The following COL27A1 variants were observed in gnomAD, a reference collection of about 807,000 sequenced individuals.
COL27A1 encodes the protein collagen type XXVII alpha 1 chain, also known as collagen alpha-1(XXVII) chain.
COL27A1 carries 106 observed loss-of-function variants against 251.3 expected under a neutral mutation model. The ratio of observed to expected loss-of-function variants is 0.42; its 90% CI spans 0.36 to 0.50. The LOEUF is 0.50. Among genes scored for constraint, COL27A1 ranks in the 20% least tolerant of loss-of-function variants. The pLI is 0.00. For missense variants in COL27A1, 2,325 were observed against 2,522.8 expected (o/e 0.92, Z 1.68); for synonymous variants, 1,000 against 986.3 (o/e 1.01, Z -0.26).
At chr9:114,222,623 G>A (rs555226366) in intron 14 of COL27A1, among the ~76,000 whole-genome samples, 2 of 152,324 alleles carry the variant, frequency 1.3e-5, no homozygotes, top group Admixed American at 1.3e-4. Context: ...TCTGCAAGGA[G>A]GTGTGGGCAA....
intron 41 of COL27A1, 34 bp downstream of exon 41, chr9:114,284,811 C>T (rs1390318745): frequency 5.0e-6 from 8 of 1,612,322 alleles, no homozygotes; most frequent in Non-Finnish European, 5.1e-6. Flanking sequence ...CAGCTGCACC[C>T]TCGTGTCTGA....
chr9:114,267,434 C>A, intron 33 of COL27A1, 70 bp from the exon 34 acceptor site: 1 of 1,388,442 alleles, frequency 7.2e-7, no homozygotes, highest in South Asian at 1.2e-5. Context: ...CTTGGAGCCT[C>A]AGTTACCCCC....
intron 37 of COL27A1, among the ~76,000 whole-genome samples, chr9:114,277,322 C>T (rs1835570234): frequency 6.6e-6 from 1 of 152,116 alleles, no homozygotes; most frequent in African/African-American, 2.4e-5. Flanking sequence ...TTGAGCCAAC[C>T]AGGTGGTGAG....
Position 114,193,838 on chromosome 9 carries a change from G to A in COL27A1, c.2017-566G>A, listed in dbSNP as rs113610598. ...TCAGAAACCCCTGAGAGCCCCAGGG[G>A]AACAAGCCAGGAGACAGTCCTGGCC... On this transcript the variant is annotated intron_variant, in intron 5 of 60. Coordinates refer to ENST00000356083, the MANE Select transcript of COL27A1 (RefSeq NM_032888.4). Among the ~76,000 whole-genome samples the A allele has an allele frequency of 5.8e-3, 890 of 152,214 alleles. 7 individuals carry two copies. Among genetic ancestry groups the A allele is most frequent in the African/African-American group, 0.02 (840 of 41,532 alleles).
chr9:114,249,635 A>G (rs1426489006), intron 24 of COL27A1, among the ~76,000 whole-genome samples: 1 of 152,214 alleles, frequency 6.6e-6, no homozygotes, highest in Non-Finnish European at 1.5e-5. Flanking sequence ...CTCTCATGGT[A>G]GTTAACTGAC....
intron 15 of COL27A1, 116 bp downstream of exon 15, chr9:114,231,248 G>C (rs562607157): frequency 2.0e-6 from 2 of 992,188 alleles, no homozygotes; most frequent in Non-Finnish European, 3.1e-6. Flanking sequence ...AGGATGGCAG[G>C]ATGCTCAGAG....
chr9:114,249,445 G>A (rs768704202), intron 24 of COL27A1, among the ~76,000 whole-genome samples: 26 of 152,192 alleles, frequency 1.7e-4, no homozygotes, highest in Non-Finnish European at 3.5e-4. Flanking sequence ...GGAGATCCGG[G>A]CCCTGTTCAC....
intron 13 of COL27A1, among the ~76,000 whole-genome samples, chr9:114,220,925 G>A (rs914078279): frequency 6.6e-6 from 1 of 151,192 alleles, no homozygotes; most frequent in Non-Finnish European, 1.5e-5. Flanking sequence ...AACCCAGGAG[G>A]TGGAGGTTGC....
chr9:114,309,629 A>T, intron 60 of COL27A1, 151 bp downstream of exon 60: 1 of 702,406 alleles, frequency 1.4e-6, no homozygotes, highest in Non-Finnish European at 2.3e-6. Flanking sequence ...TTTGTGTAAT[A>T]TAACAGTTTT....
At chr9:114,241,451 G>T (rs1167660341) in intron 21 of COL27A1, among the ~76,000 whole-genome samples, 2 of 152,330 alleles carry the variant, frequency 1.3e-5, no homozygotes, top group African/African-American at 4.8e-5. Flanking sequence ...TCTGGAGGGA[G>T]CCCCTTGGTC....
chr9:114,304,027 G>C (rs1588900939), intron 56 of COL27A1, among the ~76,000 whole-genome samples: 1 of 152,230 alleles, frequency 6.6e-6, no homozygotes, highest in African/African-American at 2.4e-5. Flanking sequence ...GACTGTCCTG[G>C]AGGATGTTTA....
intron 4 of COL27A1, among the ~76,000 whole-genome samples, chr9:114,181,312 C>G (rs1827895835): frequency 6.6e-6 from 1 of 152,134 alleles, no homozygotes; most frequent in Non-Finnish European, 1.5e-5. Flanking sequence ...ACAAGAGGCA[C>G]TGAGAAACTC....
At position 114,292,426 on chromosome 9, in the gene COL27A1, C is replaced by T. The variant is rs111320157; in HGVS notation, c.4584+216C>T. Among the ~76,000 whole-genome samples, 6 of 152,246 alleles carry T rather than the reference C, an allele frequency of 3.9e-5. 1 individual carries two copies. Among genetic ancestry groups the T allele is most frequent in the African/African-American group, 1.4e-4 (6 of 41,540 alleles). ...GGTGGGGGAGGCTGAGGAAAGAGAC[C>T]TGAGTGGTTCCTTCAGAATGAGGAG... On this transcript the variant is annotated intron_variant, in intron 49 of 60. Transcript: ENST00000356083.
intron 2 of COL27A1, among the ~76,000 whole-genome samples, chr9:114,166,975 C>G (rs779501717): frequency 6.6e-6 from 1 of 152,120 alleles, no homozygotes; most frequent in Non-Finnish European, 1.5e-5. Flanking sequence ...CTTCTGATAG[C>G]AGATGGCAGC....
chr9:114,157,558 T>C (rs1187153439), intron 1 of COL27A1, among the ~76,000 whole-genome samples: 1 of 152,228 alleles, frequency 6.6e-6, no homozygotes, highest in Non-Finnish European at 1.5e-5. Context: ...TCTCTGTCCC[T>C]TTCTGAGCAC....
intron 28 of COL27A1, among the ~76,000 whole-genome samples, 197 bp from the exon 29 acceptor site, chr9:114,264,158 C>T (rs1451439798): frequency 2.0e-5 from 3 of 152,220 alleles, no homozygotes; most frequent in South Asian, 2.1e-4. Context: ...ACTCATGCTG[C>T]GGCCTCTGCA....
At position 114,168,608 on chromosome 9, in the gene COL27A1, G is replaced by C; in HGVS notation, c.1053G>C (p.Ala351=). The change falls in exon 3 of 61, where the codon GCG becomes GCC. Residue 351 remains alanine (A), a synonymous_variant. Transcript: ENST00000356083. The stretch of plus-strand genomic sequence containing the variant: ...GCTCTACCAGAACGCCTCGCCCTGC[G>C]GCCGCTCAACCATCACAGAAGATCA... ...VGGSTRTPRP[A]AAQPSQKITA... is the part of the protein sequence containing the mutation. The C allele has an allele frequency of 1.2e-6, 2 of 1,614,090 alleles. No homozygotes were observed. Among genetic ancestry groups the C allele is most frequent in the Non-Finnish European group, 8.5e-7 (1 of 1,180,002 alleles).
At chr9:114,196,729 A>G (rs1028711999) in intron 7 of COL27A1, among the ~76,000 whole-genome samples, 5 of 152,176 alleles carry the variant, frequency 3.3e-5, no homozygotes, top group Non-Finnish European at 7.3e-5. Context: ...CATTTCAGCC[A>G]TGCTGGGGGA....
chr9:114,266,502 C>G (rs1834752948), intron 32 of COL27A1, 63 bp from the exon 33 acceptor site: 2 of 1,452,070 alleles, frequency 1.4e-6, no homozygotes, highest in Non-Finnish European at 1.9e-6. Context: ...TTCACCCCTC[C>G]AGATCCCAAA....
Sources: gnomAD v4.1 joint callset for allele counts (sites outside exome capture counted in the v4.1 genomes callset) on GRCh38, gnomAD v4.1.1 for gene constraint, MANE v1.5 for transcripts, NCBI Gene and HGNC (gene_info 2026-07-23, HGNC 2026-07-21) for gene names.